The following CA10 variants were observed in gnomAD, a reference collection of about 807,000 sequenced individuals.
The protein encoded by CA10 is carbonic anhydrase-related protein 10.
Under a neutral mutation model 44.2 loss-of-function variants are expected in CA10, and 14 were observed. That is an observed-to-expected ratio of 0.32 (90% CI 0.21 to 0.50). The LOEUF (loss-of-function observed/expected upper bound fraction) is 0.50, where lower values mean the gene tolerates loss of function less well. Ranked by LOEUF, CA10 falls within the 20% of genes least tolerant of loss-of-function variation. The probability of loss-of-function intolerance (pLI) is 0.99; values close to 1 mark genes in which losing one functional copy is unlikely to be tolerated. For synonymous variants in CA10, 159 were observed against 141.6 expected, an observed-to-expected ratio of 1.12 and a Z score of -0.87; for missense variants, 350 against 409.7, an observed-to-expected ratio of 0.85 and a Z score of 1.26.
At chr17:51,974,403 A>C (rs1984389946) in intron 2 of CA10, among the ~76,000 whole-genome samples, 1 of 151,358 alleles carries the variant, frequency 6.6e-6, no homozygotes, top group Non-Finnish European at 1.5e-5. Flanking sequence ...AAAAAACAAA[A>C]ACAAAAGGAA....
At chr17:52,005,468 G>A (rs1458570645) in intron 2 of CA10, among the ~76,000 whole-genome samples, 1 of 151,940 alleles carries the variant, frequency 6.6e-6, no homozygotes, top group Non-Finnish European at 1.5e-5. Flanking sequence ...ATCACACTGT[G>A]TGTTTCCAGT....
chr17:52,120,793 G>T (rs915905681), intron 1 of CA10, among the ~76,000 whole-genome samples: 1 of 152,150 alleles, frequency 6.6e-6, no homozygotes, highest in East Asian at 1.9e-4. Context: ...CCTGGTATTC[G>T]ATCTGTGAGG....
At chr17:51,776,557 C>T (rs1250067028) in intron 3 of CA10, among the ~76,000 whole-genome samples, 1 of 151,962 alleles carries the variant, frequency 6.6e-6, no homozygotes, top group African/African-American at 2.4e-5. Context: ...ACAAAGTCTC[C>T]AAAATCCAGC....
chr17:52,018,871 AC>A (rs1197089447), intron 2 of CA10, among the ~76,000 whole-genome samples: 8 of 130,822 alleles, frequency 6.1e-5, no homozygotes, highest in South Asian at 3.0e-4. Flanking sequence ...TGTTTGGGTC[AC>A]GGGGGTAGAT....
intron 4 of CA10, among the ~76,000 whole-genome samples, chr17:51,683,122 G>A (rs1914897888): frequency 1.3e-5 from 2 of 152,242 alleles, no homozygotes; most frequent in Admixed American, 1.3e-4. Context: ...TTATATGGAT[G>A]TGGAAAGTAG....
intron 5 of CA10, among the ~76,000 whole-genome samples, chr17:51,650,475 C>A (rs746391234): frequency 6.6e-6 from 1 of 152,040 alleles, no homozygotes; most frequent in Non-Finnish European, 1.5e-5. Flanking sequence ...TCCCTTTTTG[C>A]GGTTTCCTGG....
chr17:51,736,221 T>A (rs978894527), intron 4 of CA10, among the ~76,000 whole-genome samples: 2 of 152,178 alleles, frequency 1.3e-5, no homozygotes, highest in Non-Finnish European at 2.9e-5. Context: ...AACACAGGAA[T>A]GAATAATTCC....
At chr17:52,136,424 G>A (rs549329168) in intron 1 of CA10, among the ~76,000 whole-genome samples, 3 of 152,124 alleles carry the variant, frequency 2.0e-5, no homozygotes, top group Admixed American at 6.5e-5. Context: ...TCAACAGGAC[G>A]GCTGAGAGGT....
chr17:51,858,341 C>T (rs1443937015), intron 3 of CA10, among the ~76,000 whole-genome samples: 1 of 152,064 alleles, frequency 6.6e-6, no homozygotes, highest in African/African-American at 2.4e-5. Context: ...TACCTGCAGG[C>T]CATTTTCACT....
intron 3 of CA10, among the ~76,000 whole-genome samples, chr17:51,930,742 G>A (rs1405213859): frequency 6.6e-6 from 1 of 152,082 alleles, no homozygotes; most frequent in African/African-American, 2.4e-5. Flanking sequence ...GGGGTACCAA[G>A]GTTGTCTGAT....
chr17:51,748,365 C>G, intron 3 of CA10: 1 of 438,178 alleles, frequency 2.3e-6, no homozygotes, highest in African/African-American at 2.1e-5. Context: ...AGCTTGTGGG[C>G]CTCAAGTGGT....
intron 4 of CA10, among the ~76,000 whole-genome samples, chr17:51,709,891 G>A (rs1446504828): frequency 6.6e-6 from 1 of 152,180 alleles, no homozygotes; most frequent in African/African-American, 2.4e-5. Context: ...ATTGTCTTGT[G>A]AGGAGCCAGG....
chr17:51,961,596 C>T (rs1194197278), intron 2 of CA10, among the ~76,000 whole-genome samples: 1 of 152,062 alleles, frequency 6.6e-6, no homozygotes, highest in African/African-American at 2.4e-5. Context: ...TAGCAAATTA[C>T]TATTAGACAT....
At chr17:51,686,297 T>C (rs756851949) in intron 4 of CA10, among the ~76,000 whole-genome samples, 4 of 152,156 alleles carry the variant, frequency 2.6e-5, no homozygotes, top group Non-Finnish European at 5.9e-5. Context: ...CCTTTATAAA[T>C]TACCCAGTTA....
intron 1 of CA10, chr17:52,135,078 C>G (rs924852545): frequency 6.8e-6 from 3 of 441,472 alleles, no homozygotes; most frequent in Non-Finnish European, 9.1e-6. Flanking sequence ...GAATCCTAAG[C>G]CCCCCAACTG....
intron 3 of CA10, among the ~76,000 whole-genome samples, chr17:51,754,978 T>A (rs1282931245): frequency 6.6e-6 from 1 of 151,930 alleles, no homozygotes; most frequent in South Asian, 2.1e-4. Flanking sequence ...TATATACACA[T>A]ATGTATATTA....
At chr17:52,006,008 G>T (rs1403191923) in intron 2 of CA10, among the ~76,000 whole-genome samples, 2 of 151,788 alleles carry the variant, frequency 1.3e-5, no homozygotes, top group African/African-American at 4.8e-5. Context: ...TTGTTCTTAG[G>T]GGTGATGCCA....
At chr17:51,754,350 T>A (rs1905002176) in intron 3 of CA10, among the ~76,000 whole-genome samples, 1 of 125,528 alleles carries the variant, frequency 8.0e-6, no homozygotes, top group Admixed American at 8.3e-5. Flanking sequence ...ACGGGTAAAA[T>A]AAAGAGACAA....
chr17:51,783,039 C>G (rs1166440097), intron 3 of CA10, among the ~76,000 whole-genome samples: 1 of 152,198 alleles, frequency 6.6e-6, no homozygotes, highest in East Asian at 1.9e-4. Context: ...ACCATGAATG[C>G]TGAGTGACAT....
Sources: allele counts gnomAD v4.1 joint callset (sites outside exome capture counted in the v4.1 genomes callset), GRCh38; gene constraint gnomAD v4.1.1; transcripts MANE v1.5; gene names NCBI Gene and HGNC (gene_info 2026-07-23, HGNC 2026-07-21).